The following TNFRSF10C variants were observed in gnomAD, a reference collection of about 807,000 sequenced individuals.
The protein encoded by TNFRSF10C is tumor necrosis factor receptor superfamily member 10C.
In TNFRSF10C, 17 loss-of-function variants were observed where a neutral mutation model predicts 16.7. The ratio of observed to expected loss-of-function variants is 1.02; its 90% confidence interval spans 0.70 to 1.53. TNFRSF10C has a LOEUF of 1.53. Among genes scored for constraint, TNFRSF10C ranks in the 40% most tolerant of loss-of-function variants. The pLI is 0.00. For synonymous variants in TNFRSF10C, 73 were observed against 119.7 expected, an observed-to-expected ratio of 0.61 and a Z score of 2.55; for missense variants, 237 against 329.7, an observed-to-expected ratio of 0.72 and a Z score of 2.18.
At chr8:23,115,441 G>C (rs987491596) in intron 3 of TNFRSF10C, 67 bp from the exon 4 acceptor site, 88 of 1,368,020 alleles carry the variant, frequency 6.4e-5, no homozygotes, top group Non-Finnish European at 8.5e-5. Context: ...GGAGGGGGTG[G>C]GTGGTAAGGA....
chr8:23,110,047 G>A (rs1813849632), intron 1 of TNFRSF10C, among the ~76,000 whole-genome samples: 1 of 117,680 alleles, frequency 8.5e-6, no homozygotes, highest in South Asian at 2.9e-4. Flanking sequence ...CCAACATGGA[G>A]GACAGAGGGA....
Position 23,114,674 on chromosome 8 carries a change from C to G in TNFRSF10C, c.184C>G (p.His62Asp). ...ECPAGSHRSE[H>D]TGACNPCTEG... ...CTTCCCAGGATCTCATAGATCAGAA[C>G]ATACTGGAGCCTGTAACCCGTGCAC... The change falls in exon 3 of 5, where the codon CAT (histidine) becomes GAT (aspartate). Residue 62 changes from histidine (H) to aspartate (D), a missense_variant. Physicochemically the swap from His to Asp is moderately conservative, Grantham distance 81. This residue lies in a region of TNFRSF10C where 212 missense variants were observed against 196.8 expected (regional missense o/e 1.08). Coordinates refer to ENST00000356864, the MANE Select transcript of TNFRSF10C (RefSeq NM_003841.5). 1 of 1,611,550 alleles carries G rather than the reference C, an allele frequency of 6.2e-7. No homozygotes were observed. The highest frequency in any genetic ancestry group is 8.5e-7 in the Non-Finnish European group (1 of 1,179,796).
At chr8:23,107,930 C>A (rs1418390138) in intron 1 of TNFRSF10C, among the ~76,000 whole-genome samples, 1 of 152,144 alleles carries the variant, frequency 6.6e-6, no homozygotes, top group African/African-American at 2.4e-5. Flanking sequence ...GAGTGTAAGG[C>A]CAAGAAAACT....
intron 1 of TNFRSF10C, among the ~76,000 whole-genome samples, chr8:23,110,611 CAT>C (rs1320899586): frequency 6.6e-6 from 1 of 152,214 alleles, no homozygotes; most frequent in Non-Finnish European, 1.5e-5. Flanking sequence ...TCATTTATAA[CAT>C]AGAGATCATG....
At position 23,102,949 on chromosome 8, in the gene TNFRSF10C, G is replaced by A; in HGVS notation, c.-173G>A. 6.7e-7 allele frequency: 1 copy of A among 1,497,984 alleles called. No homozygotes were observed. The allele number at this position is 1,497,984 out of a possible 1,614,324, so 92.8% of individuals were successfully genotyped here. A position where few individuals can be genotyped will look rare whatever the true frequency, so the allele number is the denominator to read the frequency against. ...AGTGCAGCTGTGGGAACCTCTCCAC[G>A]CGCACGAACTCAGCCAACGATTTCT... On this transcript the variant is annotated 5_prime_UTR_variant, in exon 1 of 5. Coordinates refer to ENST00000356864, the MANE Select transcript of TNFRSF10C (RefSeq NM_003841.5).
At chr8:23,115,694 C>A in intron 4 of TNFRSF10C, 78 bp downstream of exon 4, 1 of 1,220,856 alleles carries the variant, frequency 8.2e-7, no homozygotes, top group Non-Finnish European at 1.2e-6. Flanking sequence ...CCTATTTCTC[C>A]GCTGACCCTA....
intron 2 of TNFRSF10C, 81 bp from the exon 3 acceptor site, chr8:23,114,576 C>A: frequency 1.7e-6 from 2 of 1,182,144 alleles, no homozygotes; most frequent in Non-Finnish European, 2.5e-6. Context: ...CAGTGAGGGC[C>A]AAAAAAGAAG....
At position 23,103,115 on chromosome 8, in the gene TNFRSF10C, C is replaced by T; in HGVS notation, c.-7C>T. On this transcript the variant is annotated 5_prime_UTR_variant, in exon 1 of 5. Coordinates refer to ENST00000356864, the MANE Select transcript of TNFRSF10C (RefSeq NM_003841.5). ...CCAGGACCCAGGACGGCGTCGGGAACCATACCATGGCCCGGATCCCCAAGA... is the reference window on the plus strand; with the variant it reads ...CCAGGACCCAGGACGGCGTCGGGAATCATACCATGGCCCGGATCCCCAAGA... 6.2e-7 allele frequency: 1 copy of T among 1,610,860 alleles called. No individual in the cohort carries two copies. The highest frequency in any genetic ancestry group is 1.7e-5 in the Admixed American group (1 of 59,654).
Position 23,117,109 on chromosome 8 carries a change from AC to A in TNFRSF10C, c.*79del. The A allele has an allele frequency of 6.4e-7, 1 of 1,559,204 alleles. No homozygotes were observed. The highest frequency in any genetic ancestry group is 8.7e-7 in the Non-Finnish European group (1 of 1,155,482). On this transcript the variant is annotated 3_prime_UTR_variant, in exon 5 of 5. Coordinates refer to ENST00000356864, the MANE Select transcript of TNFRSF10C (RefSeq NM_003841.5). ...GCTGGCTGAGGGCGGGGGGCGCTGG[AC>A]ACTCTCTGCCCTGCCTCCCTCTGCT...
At chr8:23,114,208 C>T (rs532315923) in intron 2 of TNFRSF10C, among the ~76,000 whole-genome samples, 2 of 152,210 alleles carry the variant, frequency 1.3e-5, no homozygotes, top group East Asian at 3.9e-4. Flanking sequence ...CAGGGGGCCA[C>T]TGTGGTGAGT....
chr8:23,102,937 G>C lies in TNFRSF10C; in HGVS notation c.-185G>C. ...TCCGATTCTGGCAGTGCAGCTGTGG[G>C]AACCTCTCCACGCGCACGAACTCAG... On this transcript the variant is annotated 5_prime_UTR_variant, in exon 1 of 5. Coordinates refer to ENST00000356864, the MANE Select transcript of TNFRSF10C (RefSeq NM_003841.5). 6.7e-7 allele frequency: 1 copy of C among 1,487,264 alleles called. No homozygotes were observed. The highest frequency in any genetic ancestry group is 1.4e-5 in the African/African-American group (1 of 71,266). 92.1% of individuals were successfully genotyped at this position (1,487,264 alleles called of 1,614,324 possible).
intron 2 of TNFRSF10C, among the ~76,000 whole-genome samples, chr8:23,112,180 AT>A (rs1813890919): frequency 6.6e-6 from 1 of 152,238 alleles, no homozygotes; most frequent in African/African-American, 2.4e-5. Flanking sequence ...ATAAAAAGCA[AT>A]GCAGTATAGC....
intron 1 of TNFRSF10C, among the ~76,000 whole-genome samples, chr8:23,110,764 A>G (rs1813865922): frequency 6.6e-6 from 1 of 152,200 alleles, no homozygotes; most frequent in Admixed American, 6.6e-5. Flanking sequence ...AAGGTTATAT[A>G]TATTATAACC....
chr8:23,116,182 A>AT (rs1390048781), intron 4 of TNFRSF10C, among the ~76,000 whole-genome samples: 2 of 152,046 alleles, frequency 1.3e-5, no homozygotes, highest in East Asian at 3.9e-4. Context: ...TCTTTTCCCT[A>AT]TTTGGGCTTT....
chr8:23,115,904 T>G (rs1040004225), intron 4 of TNFRSF10C, among the ~76,000 whole-genome samples: 3 of 152,334 alleles, frequency 2.0e-5, no homozygotes, highest in South Asian at 2.1e-4. Context: ...CCTTGATCCT[T>G]TTCAGCAAAC....
intron 1 of TNFRSF10C, among the ~76,000 whole-genome samples, chr8:23,107,124 C>G (rs1221646673): frequency 6.6e-6 from 1 of 152,156 alleles, no homozygotes; most frequent in Non-Finnish European, 1.5e-5. Flanking sequence ...AGGCAGATCA[C>G]TTGAGCCCAG....
chr8:23,109,950 G>T (rs1251523296), intron 1 of TNFRSF10C, among the ~76,000 whole-genome samples: 1 of 151,500 alleles, frequency 6.6e-6, no homozygotes, highest in Non-Finnish European at 1.5e-5. Context: ...TGTCTTTGGG[G>T]ACTGAGGTGG....
chr8:23,114,868 C>A, intron 3 of TNFRSF10C, 98 bp downstream of exon 3: 1 of 963,642 alleles, frequency 1.0e-6, no homozygotes, highest in Non-Finnish European at 1.7e-6. Context: ...TCCAGCCCAA[C>A]CTGGTCTTCA....
intron 1 of TNFRSF10C, among the ~76,000 whole-genome samples, chr8:23,110,401 C>A (rs976019537): frequency 6.6e-6 from 1 of 152,048 alleles, no homozygotes; most frequent in Admixed American, 6.6e-5. Context: ...AAATTAATTT[C>A]CTACTTTAAA....
Sources: allele counts gnomAD v4.1 joint callset (sites outside exome capture counted in the v4.1 genomes callset), GRCh38; gene constraint gnomAD v4.1.1; regional missense constraint gnomAD v4.1.1; transcripts MANE v1.5; gene names NCBI Gene and HGNC (gene_info 2026-07-23, HGNC 2026-07-21).